HMGCLL1: variants seen among roughly 807,000 people sequenced by gnomAD.
HMGCLL1 encodes 3-hydroxy-3-methylglutaryl-CoA lyase like 1, also known as 3-hydroxymethyl-3-methylglutaryl-CoA lyase, cytoplasmic.
In HMGCLL1, 36 loss-of-function variants were observed where a neutral mutation model predicts 39.1. The ratio of observed to expected loss-of-function variants is 0.92; its 90% CI spans 0.71 to 1.22. The LOEUF (loss-of-function observed/expected upper bound fraction) is 1.22. Among genes scored for constraint, HMGCLL1 ranks in the 50% most tolerant of loss-of-function variants. The pLI is 0.00. For synonymous variants in HMGCLL1, 149 were observed against 144.0 expected, an observed-to-expected ratio of 1.03 and a Z score of -0.25; for missense variants, 451 against 416.5, an observed-to-expected ratio of 1.08 and a Z score of -0.72.
chr6:55,485,354 C>T (rs1369279680), intron 7 of HMGCLL1, among the ~76,000 whole-genome samples: 1 of 151,816 alleles, frequency 6.6e-6, no homozygotes, highest in African/African-American at 2.4e-5. Flanking sequence ...TACTCCCCTG[C>T]CAGAATGAGC....
the HMGCLL1 span, among the ~76,000 whole-genome samples, chr6:55,603,138 T>G: frequency 2.0e-5 from 3 of 152,216 alleles, no homozygotes; most frequent in Non-Finnish European, 2.9e-5. Flanking sequence ...TATTCTCGTT[T>G]CTAAGCAACT....
the HMGCLL1 span, among the ~76,000 whole-genome samples, chr6:55,671,185 A>G: frequency 6.6e-6 from 1 of 151,816 alleles, no homozygotes; most frequent in Non-Finnish European, 1.5e-5. Flanking sequence ...AGGATGAAAT[A>G]CCACTCCCAT....
At chr6:55,660,111 T>A in the HMGCLL1 span, among the ~76,000 whole-genome samples, 5 of 151,822 alleles carry the variant, frequency 3.3e-5, no homozygotes, top group Non-Finnish European at 7.4e-5. Flanking sequence ...AGCTGAACTA[T>A]CTAATTTATG....
At chr6:55,573,228 G>C (rs376182640) in intron 1 of HMGCLL1, among the ~76,000 whole-genome samples, 1 of 152,086 alleles carries the variant, frequency 6.6e-6, no homozygotes, top group Non-Finnish European at 1.5e-5. Context: ...TTATCTCTAC[G>C]CTTATTGTTT....
intron 1 of HMGCLL1, among the ~76,000 whole-genome samples, chr6:55,553,570 T>C (rs980608010): frequency 6.6e-6 from 1 of 152,196 alleles, no homozygotes; most frequent in East Asian, 1.9e-4. Flanking sequence ...CATTCTCCTC[T>C]GTTAAAAGTG....
chr6:55,627,832 C>A, the HMGCLL1 span, among the ~76,000 whole-genome samples: 1 of 122,264 alleles, frequency 8.2e-6, no homozygotes, highest in Non-Finnish European at 1.6e-5. Flanking sequence ...TTGCAGACAG[C>A]TTATTGTGGG....
chr6:55,476,702 G>A (rs965390705), intron 7 of HMGCLL1, among the ~76,000 whole-genome samples: 2 of 151,512 alleles, frequency 1.3e-5, no homozygotes, highest in Admixed American at 6.6e-5. Flanking sequence ...TAGAATTTCT[G>A]GGATAAATCC....
chr6:55,596,324 T>A, the HMGCLL1 span, among the ~76,000 whole-genome samples: 1 of 152,098 alleles, frequency 6.6e-6, no homozygotes, highest in South Asian at 2.1e-4. Context: ...TGAAACCCTG[T>A]CTCAAAAATA....
intron 3 of HMGCLL1, among the ~76,000 whole-genome samples, chr6:55,529,130 C>G (rs1222194705): frequency 7.2e-5 from 11 of 152,014 alleles, no homozygotes; most frequent in African/African-American, 2.7e-4. Flanking sequence ...TGTGACCACC[C>G]TCCTGGTCTT....
chr6:55,596,303 G>A, the HMGCLL1 span, among the ~76,000 whole-genome samples: 1 of 152,106 alleles, frequency 6.6e-6, no homozygotes, highest in African/African-American at 2.4e-5. Context: ...CTCCAGCCTG[G>A]GTGACAGCAG....
intron 3 of HMGCLL1, among the ~76,000 whole-genome samples, chr6:55,538,989 C>T (rs1043272880): frequency 6.6e-6 from 1 of 152,120 alleles, no homozygotes; most frequent in Non-Finnish European, 1.5e-5. Flanking sequence ...AAATGTAATA[C>T]AATTAAAAAG....
the HMGCLL1 span, among the ~76,000 whole-genome samples, chr6:55,647,745 C>CTTTTTTTTTTTTTTTTTTTT: frequency 2.2e-4 from 25 of 115,854 alleles, no homozygotes; most frequent in African/African-American, 4.9e-4. Flanking sequence ...TTTTTTTTTC[C>CTTTTTTTTTTTTTTTTTTTT]TTTTTTTTTT....
chr6:55,495,960 C>T (rs866614275), intron 6 of HMGCLL1, among the ~76,000 whole-genome samples: 2 of 152,078 alleles, frequency 1.3e-5, no homozygotes, highest in Admixed American at 6.6e-5. Flanking sequence ...CATTACAGAT[C>T]TACTTTGGAA....
intron 1 of HMGCLL1, among the ~76,000 whole-genome samples, chr6:55,576,536 A>T (rs1268664668): frequency 6.6e-6 from 1 of 152,206 alleles, no homozygotes; most frequent in Non-Finnish European, 1.5e-5. Flanking sequence ...TTTATTTGAA[A>T]TAGGGAACAC....
At chr6:55,456,018 C>T (rs1764306691) in intron 7 of HMGCLL1, among the ~76,000 whole-genome samples, 1 of 152,034 alleles carries the variant, frequency 6.6e-6, no homozygotes, top group East Asian at 1.9e-4. Flanking sequence ...AGGTTCATTC[C>T]CTTGGCATCT....
At chr6:55,478,722 G>A (rs1581833994) in intron 7 of HMGCLL1, among the ~76,000 whole-genome samples, 1 of 151,310 alleles carries the variant, frequency 6.6e-6, no homozygotes, top group East Asian at 1.9e-4. Flanking sequence ...TTTAGTGAAG[G>A]TCATCGCTTG....
chr6:55,458,896 C>T (rs183036456), intron 7 of HMGCLL1, among the ~76,000 whole-genome samples: 3 of 152,042 alleles, frequency 2.0e-5, no homozygotes, highest in South Asian at 2.1e-4. Context: ...AAGGCTGATA[C>T]GAAGCCATTA....
chr6:55,438,895 G>T (rs763413721), intron 8 of HMGCLL1, among the ~76,000 whole-genome samples: 1 of 151,998 alleles, frequency 6.6e-6, no homozygotes. Flanking sequence ...GGTGGATGTG[G>T]TTACATAGCA....
chr6:55,662,694 T>C, the HMGCLL1 span, among the ~76,000 whole-genome samples: 9 of 152,008 alleles, frequency 5.9e-5, no homozygotes, highest in South Asian at 1.9e-3. Context: ...GATGGCCTCA[T>C]AGAATGAGTT....
Sources: allele counts gnomAD v4.1 joint callset (sites outside exome capture counted in the v4.1 genomes callset), GRCh38; gene constraint gnomAD v4.1.1; transcripts MANE v1.5; gene names NCBI Gene and HGNC (gene_info 2026-07-23, HGNC 2026-07-21).